Variants in SV2B observed in about 807,000 individuals in gnomAD.
The protein encoded by SV2B is solute carrier family 22 member B2.
A neutral mutation model predicts 73.9 loss-of-function variants in SV2B; 41 were observed. That is an observed-to-expected ratio of 0.56 (90% CI 0.43 to 0.72). SV2B has a LOEUF of 0.72. SV2B is among the 30% of genes least tolerant of loss of function. The probability of loss-of-function intolerance (pLI) is 0.00; values close to 1 mark genes in which losing one functional copy is unlikely to be tolerated. For missense variants in SV2B, 764 were observed against 857.8 expected (o/e 0.89, Z 1.37); for synonymous variants, 314 against 314.2 (o/e 1.00, Z 0.01).
In SV2B at chr15:91,247,559, G is replaced by A. The variant is rs1452717994; in HGVS notation, c.452-4260G>A. ...TGATTATAACTTAGAATCTTGAAAA[G>A]GGGTTCCATAAAGCTGCAACTCAGC... On this transcript the variant is annotated intron_variant, in intron 2 of 12. Coordinates refer to ENST00000394232, the MANE Select transcript of SV2B (RefSeq NM_001323032.3). 2.6e-5 allele frequency among the ~76,000 whole-genome samples: 4 copies of A among 152,286 alleles called. No individual in the cohort carries two copies. The East Asian group carries it at 7.7e-4, about 29-fold the overall frequency.
intron 1 of SV2B, among the ~76,000 whole-genome samples, chr15:91,206,929 C>A (rs1452190711): frequency 6.6e-6 from 1 of 151,984 alleles, no homozygotes; most frequent in African/African-American, 2.4e-5. Flanking sequence ...TTGATGCAAC[C>A]CTAAGTATAT....
rs1177358571 is a variant in SV2B, at chr15:91,226,490, G to A, written c.227G>A (p.Gly76Asp). ...MAPSRMDSLR[G>D]QTDLMAERLE... is the part of the protein sequence containing the mutation. ...CCCTCCAGAATGGACAGCCTTCGGG[G>A]CCAGACAGACCTGATGGCTGAGAGG... Residue 76 changes from glycine to aspartate, a missense_variant, in exon 2 of 13, where the codon GGC becomes GAC. By Grantham distance (94) the Gly-to-Asp change is moderately conservative. Transcript: ENST00000394232. 1 of 1,614,192 alleles carries A rather than the reference G, an allele frequency of 6.2e-7. No homozygotes were observed. Among genetic ancestry groups the A allele is most frequent in the Non-Finnish European group, 8.5e-7 (1 of 1,180,034 alleles).
rs1335771749 is a variant in SV2B at position 91,236,745 on chromosome 15, C to A, written c.451+10031C>A. 6.6e-6 allele frequency among the ~76,000 whole-genome samples: 1 copy of A among 152,152 alleles called. No individual in the cohort carries two copies. Among genetic ancestry groups the A allele is most frequent in the Non-Finnish European group, 1.5e-5 (1 of 68,026 alleles). On this transcript the variant is annotated intron_variant, in intron 2 of 12. Transcript: ENST00000394232. The surrounding 1 kb of genome is among the most constrained non-coding windows in gnomAD (Gnocchi z 4.1). ...ATAAATCTGCAGTCTGGGCAGACAC[C>A]TGGCCCCTATTCCACTTGACATTAC...
rs926136811 is a variant in SV2B at position 91,245,396 on chromosome 15, C to T, written c.452-6423C>T. 1.3e-5 allele frequency among the ~76,000 whole-genome samples: 2 copies of T among 152,112 alleles called. No individual in the cohort carries two copies. The highest frequency in any genetic ancestry group is 4.8e-5 in the African/African-American group (2 of 41,408). On this transcript the variant is annotated intron_variant, in intron 2 of 12. Transcript: ENST00000394232. The surrounding 1 kb of genome is among the most constrained non-coding windows in gnomAD (Gnocchi z 4.2). ...GCTTTCGAGACAGAAAGATTTCTATCGTGTAAATACAGTATGTAGTTATAC... is the reference window on the plus strand; with the variant it reads ...GCTTTCGAGACAGAAAGATTTCTATTGTGTAAATACAGTATGTAGTTATAC...
rs546840423 is a variant in SV2B, at chr15:91,140,428, A to T, written c.-392+40065A>T. On this transcript the variant is annotated intron_variant, in intron 1 of 12. Coordinates refer to ENST00000394232, the MANE Select transcript of SV2B (RefSeq NM_001323032.3). The surrounding 1 kb of genome is among the most constrained non-coding windows in gnomAD (Gnocchi z 4.4). ...CCCAGAGGAGGAGAACAAAAATATCACCTTCTCAAAGGAAGCTTTAATTAG... is the reference window on the plus strand; with the variant it reads ...CCCAGAGGAGGAGAACAAAAATATCTCCTTCTCAAAGGAAGCTTTAATTAG... Among the ~76,000 whole-genome samples, 1 of 152,304 alleles carries T rather than the reference A, an allele frequency of 6.6e-6. No individual in the cohort carries two copies. Among genetic ancestry groups the T allele is most frequent in the African/African-American group, 2.4e-5 (1 of 41,572 alleles).
In SV2B at chr15:91,295,275, T is replaced by C. The variant is rs2049180979; in HGVS notation, c.*2723T>C. On this transcript the variant is annotated 3_prime_UTR_variant, in exon 13 of 13. Coordinates refer to ENST00000394232, the MANE Select transcript of SV2B (RefSeq NM_001323032.3). The stretch of plus-strand genomic sequence containing the variant: ...TGATCTTTTGTTTTATTAAAAATAA[T>C]TAGTGAAAGAGGTGTGCCTATCTGT... The C allele has an allele frequency of 6.6e-6, 1 of 152,204 alleles. No individual in the cohort carries two copies. Among genetic ancestry groups the C allele is most frequent in the East Asian group, 1.9e-4 (1 of 5,196 alleles). The allele number at this position is 152,204 out of a possible 1,614,324, so 9.4% of individuals were successfully genotyped here.
rs1227161069 is a variant in SV2B, at chr15:91,252,508, A to T, written c.772A>T (p.Ile258Phe). Reference sequence around the variant, plus strand: ...CGCATCTGCCATGGCCTGGAGCATCATCCCACACTATGGTGAGTCATGGCT... The same window carrying T: ...CGCATCTGCCATGGCCTGGAGCATCTTCCCACACTATGGTGAGTCATGGCT... ...LYASAMAWSI[I>F]PHYGWGFSMG... is the part of the protein sequence containing the mutation. The change falls in exon 4 of 13, where the codon ATC (isoleucine) becomes TTC (phenylalanine). Residue 258 changes from isoleucine to phenylalanine, a missense_variant. Coordinates refer to ENST00000394232, the MANE Select transcript of SV2B (RefSeq NM_001323032.3). This position sits in a 1 kb window ranked among gnomAD's most constrained non-coding sequence, Gnocchi z 4.6. 1 of 1,609,606 alleles carries T rather than the reference A, an allele frequency of 6.2e-7. No individual in the cohort carries two copies. The highest frequency in any genetic ancestry group is 1.7e-5 in the Admixed American group (1 of 59,250).
chr15:91,168,151 C>T (rs1294947376), intron 1 of SV2B, among the ~76,000 whole-genome samples: 1 of 152,048 alleles, frequency 6.6e-6, no homozygotes, highest in Non-Finnish European at 1.5e-5. Context: ...GTAGTTTTTG[C>T]CACGCCTTTC....
intron 1 of SV2B, among the ~76,000 whole-genome samples, chr15:91,104,922 G>A (rs1228004223): frequency 1.3e-5 from 2 of 152,146 alleles, no homozygotes; most frequent in African/African-American, 2.4e-5. Flanking sequence ...GTGAGCCACC[G>A]CGCCTGACTG....
chr15:91,125,781 C>CAAAAAAAAAA lies in SV2B; in HGVS notation c.-392+25428_-392+25437dup, dbSNP rs200016125. On this transcript the variant is annotated intron_variant, in intron 1 of 12. Transcript: ENST00000394232. ...CAAAGTGAGACCCTGTCTCAAGGGGCAAAAAAAAAAAAAAAAAAATTCAGT... is the reference window on the plus strand; with the variant it reads ...CAAAGTGAGACCCTGTCTCAAGGGGCAAAAAAAAAAAAAAAAAAAAAAAAAAAAATTCAGT... Among the ~76,000 whole-genome samples, 161 of 57,024 alleles carry CAAAAAAAAAA rather than the reference C, an allele frequency of 2.8e-3. 4 individuals are homozygous for CAAAAAAAAAA. Among genetic ancestry groups the CAAAAAAAAAA allele is most frequent in the African/African-American group, 7.3e-3 (114 of 15,616 alleles). The allele number at this position is 57,024 out of a possible 152,430, so 37.4% of individuals were successfully genotyped here.
At chr15:91,198,623 G>A (rs1031730605) in intron 1 of SV2B, among the ~76,000 whole-genome samples, 1 of 152,236 alleles carries the variant, frequency 6.6e-6, no homozygotes, top group Non-Finnish European at 1.5e-5. Context: ...TTACCTTAAT[G>A]AGTAAAAGGG....
chr15:91,148,964 C>T (rs906296634), intron 1 of SV2B, among the ~76,000 whole-genome samples: 1 of 152,224 alleles, frequency 6.6e-6, no homozygotes, highest in Non-Finnish European at 1.5e-5. Context: ...CCATCACAGA[C>T]ACATCCAGAA....
At chr15:91,286,867 C>T (rs74038450) in intron 11 of SV2B, among the ~76,000 whole-genome samples, 14,016 of 152,082 alleles carry the variant, frequency 0.092, 707 homozygotes, top group Middle Eastern at 0.15. Flanking sequence ...GTACACTGGG[C>T]CCTGGGGACT....
At chr15:91,169,190 C>A (rs57102165) in intron 1 of SV2B, among the ~76,000 whole-genome samples, 3 of 151,862 alleles carry the variant, frequency 2.0e-5, no homozygotes, top group Non-Finnish European at 4.4e-5. Context: ...GTGGTTACTA[C>A]GCTCCAGGGA....
chr15:91,285,827 G>T (rs2048842297), intron 11 of SV2B, among the ~76,000 whole-genome samples: 1 of 152,062 alleles, frequency 6.6e-6, no homozygotes, highest in Admixed American at 6.5e-5. Flanking sequence ...ATGTCGACGA[G>T]AACAGCCCAC....
chr15:91,127,384 G>T (rs1400992504), intron 1 of SV2B, among the ~76,000 whole-genome samples: 1 of 151,858 alleles, frequency 6.6e-6, no homozygotes, highest in Non-Finnish European at 1.5e-5. Flanking sequence ...CCTTTGTGTG[G>T]CTGTTCCAGA....
intron 9 of SV2B, among the ~76,000 whole-genome samples, chr15:91,269,313 C>T (rs906750125): frequency 1.3e-5 from 2 of 152,256 alleles, no homozygotes; most frequent in Non-Finnish European, 2.9e-5. Context: ...TCACGCTTAC[C>T]CAAGCCCACA....
intron 1 of SV2B, among the ~76,000 whole-genome samples, chr15:91,111,583 G>T (rs1239744954): frequency 6.6e-6 from 1 of 152,224 alleles, no homozygotes; most frequent in Non-Finnish European, 1.5e-5. Flanking sequence ...AGGTTGGGCT[G>T]TTGTGGGGAG....
In SV2B at chr15:91,241,756, ACTTTTGTAATC is replaced by A. The variant is rs1289047144; in HGVS notation, c.452-10057_452-10047del. ...TCCCCTCTCACCTCCCCAGAACATC[ACTTTTGTAATC>A]CTTTTTCTCATCATTTTGTAACTCC... On this transcript the variant is annotated intron_variant, in intron 2 of 12. Coordinates refer to ENST00000394232, the MANE Select transcript of SV2B (RefSeq NM_001323032.3). This position sits in a 1 kb window ranked among gnomAD's most constrained non-coding sequence, Gnocchi z 4.8. Among the ~76,000 whole-genome samples the A allele has an allele frequency of 2.0e-5, 3 of 151,806 alleles. No individual in the cohort carries two copies. Among genetic ancestry groups the A allele is most frequent in the Non-Finnish European group, 4.4e-5 (3 of 67,968 alleles).
Sources: allele counts gnomAD v4.1 joint callset (sites outside exome capture counted in the v4.1 genomes callset), GRCh38; gene constraint gnomAD v4.1.1; non-coding constraint Gnocchi (gnomAD v3.1); transcripts MANE v1.5; gene names NCBI Gene and HGNC (gene_info 2026-07-23, HGNC 2026-07-21).